Variants in OR51B5 observed in about 807,000 individuals in gnomAD.
OR51B5 encodes olfactory receptor 51B5.
For synonymous variants in OR51B5, 186 were observed against 144.8 expected, an observed-to-expected ratio of 1.28 and a Z score of -2.04; for missense variants, 456 against 374.6, an observed-to-expected ratio of 1.22 and a Z score of -1.79.
At chr11:5,481,645 A>G (rs1349065366) in intron 1 of OR51B5, among the ~76,000 whole-genome samples, 1 of 143,996 alleles carries the variant, frequency 6.9e-6, no homozygotes, top group African/African-American at 2.7e-5. Context: ...TAAGCTGATA[A>G]GCAACTTCAG....
At chr11:5,373,791 T>C (rs1589960159) in intron 1 of OR51B5, among the ~76,000 whole-genome samples, 1 of 152,202 alleles carries the variant, frequency 6.6e-6, no homozygotes, top group African/African-American at 2.4e-5. Flanking sequence ...GCAGCCGCCA[T>C]TGCCCAGGCT....
At position 5,484,911 on chromosome 11, in the gene OR51B5, A is replaced by T. The variant is rs549350007; in HGVS notation, n.84+20658T>A. The stretch of plus-strand genomic sequence containing the variant: ...TTTAAAAAAGTTTTTATGCTCCAAT[A>T]CATGTTATACAGTATCAATATTCTT... On this transcript the variant is annotated intron_variant and non_coding_transcript_variant, in intron 1 of 4. Transcript: ENST00000415970. Among the ~76,000 whole-genome samples the T allele has an allele frequency of 3.3e-5, 5 of 152,350 alleles. No individual in the cohort carries two copies. The East Asian group carries it at 9.6e-4, about 29-fold the overall frequency.
At chr11:5,375,480 T>G (rs1194981591) in intron 1 of OR51B5, among the ~76,000 whole-genome samples, 3 of 151,948 alleles carry the variant, frequency 2.0e-5, no homozygotes, top group African/African-American at 4.8e-5. Flanking sequence ...ACACATACAA[T>G]ATTAACTTTA....
chr11:5,441,879 T>C (rs562185048), intron 1 of OR51B5, among the ~76,000 whole-genome samples: 1 of 152,270 alleles, frequency 6.6e-6, no homozygotes, highest in East Asian at 1.9e-4. Flanking sequence ...AGATGGAACA[T>C]CTACTACTAT....
intron 1 of OR51B5, among the ~76,000 whole-genome samples, chr11:5,356,309 A>T (rs898282526): frequency 2.4e-4 from 37 of 152,160 alleles, no homozygotes; most frequent in African/African-American, 8.2e-4. Flanking sequence ...AAACCAAGGC[A>T]TGAGAACTAC....
rs534013192 is a variant in OR51B5 at position 5,377,536 on chromosome 11, C to A, written n.85-30626G>T. Among the ~76,000 whole-genome samples the A allele has an allele frequency of 1.1e-3, 165 of 152,082 alleles. 1 individual carries two copies. Among genetic ancestry groups the A allele is most frequent in the Non-Finnish European group, 1.5e-3 (101 of 67,968 alleles). On this transcript the variant is annotated intron_variant and non_coding_transcript_variant, in intron 1 of 4. Transcript: ENST00000415970. ...AAGTCAAATTGTCCCTGTTTGCAGACGACATGATTGTATATCTAGAAAACC... is the reference window on the plus strand; with the variant it reads ...AAGTCAAATTGTCCCTGTTTGCAGAAGACATGATTGTATATCTAGAAAACC...
chr11:5,422,398 C>A, intron 1 of OR51B5: 1 of 1,614,164 alleles, frequency 6.2e-7, no homozygotes, highest in Non-Finnish European at 8.5e-7. Flanking sequence ...TGTTTCTCTC[C>A]ATGCTGGCCC....
downstream of OR51B5, among the ~76,000 whole-genome samples, chr11:5,341,890 C>T (rs866807571): frequency 1.3e-5 from 2 of 152,268 alleles, no homozygotes; most frequent in East Asian, 3.9e-4. Context: ...ACTGTGTCTA[C>T]GTCCTCTCAT....
intron 1 of OR51B5, chr11:5,391,480 A>G (rs755444672): frequency 3.9e-5 from 6 of 152,226 alleles, no homozygotes; most frequent in Non-Finnish European, 7.3e-5. Flanking sequence ...CAGTAAATGT[A>G]TATAAATACA....
At chr11:5,474,545 C>A (rs962327571) in intron 1 of OR51B5, among the ~76,000 whole-genome samples, 1 of 152,066 alleles carries the variant, frequency 6.6e-6, no homozygotes, top group Non-Finnish European at 1.5e-5. Context: ...ACTTAAGACA[C>A]GAAATTTTTG....
At chr11:5,369,728 TACTC>T (rs1474695970) in intron 1 of OR51B5, among the ~76,000 whole-genome samples, 2 of 152,190 alleles carry the variant, frequency 1.3e-5, no homozygotes, top group Admixed American at 6.5e-5. Flanking sequence ...TATATGAACA[TACTC>T]AAATAAATAG....
chr11:5,412,148 T>C (rs540689207), intron 1 of OR51B5, among the ~76,000 whole-genome samples: 5 of 152,348 alleles, frequency 3.3e-5, no homozygotes, highest in Admixed American at 1.3e-4. Flanking sequence ...TCAAGGGACA[T>C]TACACTCTGT....
intron 1 of OR51B5, among the ~76,000 whole-genome samples, chr11:5,395,886 C>T (rs763168356): frequency 3.9e-5 from 6 of 152,186 alleles, no homozygotes; most frequent in Non-Finnish European, 8.8e-5. Context: ...CAACATTGCT[C>T]ACTGGAATGC....
chr11:5,447,102 G>A (rs1850778005), intron 1 of OR51B5, among the ~76,000 whole-genome samples: 1 of 152,186 alleles, frequency 6.6e-6, no homozygotes, highest in Non-Finnish European at 1.5e-5. Context: ...GCCCCTAGGA[G>A]ATCATGTATC....
intron 1 of OR51B5, chr11:5,392,256 T>G (rs944746919): frequency 7.9e-5 from 12 of 152,236 alleles, no homozygotes; most frequent in African/African-American, 2.9e-4. Context: ...CCTTACAGGC[T>G]GGCACTCCTT....
intron 1 of OR51B5, among the ~76,000 whole-genome samples, chr11:5,395,579 C>A (rs746186090): frequency 6.6e-6 from 1 of 152,090 alleles, no homozygotes; most frequent in Non-Finnish European, 1.5e-5. Flanking sequence ...AGGGTTGTGG[C>A]AGGCAAGGAA....
At chr11:5,420,496 TA>T (rs1467770369) in intron 1 of OR51B5, among the ~76,000 whole-genome samples, 2 of 151,974 alleles carry the variant, frequency 1.3e-5, no homozygotes, top group African/African-American at 4.8e-5. Context: ...TTGATATATT[TA>T]ATTTTTGATA....
chr11:5,343,410 C>T (rs1848936298), exon 1 of OR51B5: 1 of 1,612,202 alleles, frequency 6.2e-7, no homozygotes, highest in Non-Finnish European at 8.5e-7. Context: ...GTGCCATTGC[C>T]AAAAAGGATG....
chr11:5,398,744 A>G (rs1449616964), intron 1 of OR51B5, among the ~76,000 whole-genome samples: 1 of 152,078 alleles, frequency 6.6e-6, no homozygotes, highest in Admixed American at 6.5e-5. Context: ...ATGGTTTTAT[A>G]AGGCAGTTTT....
Sources: gnomAD v4.1 joint callset for allele counts (sites outside exome capture counted in the v4.1 genomes callset) on GRCh38, gnomAD v4.1.1 for gene constraint, MANE v1.5 for transcripts, NCBI Gene and HGNC (gene_info 2026-07-23, HGNC 2026-07-21) for gene names.